The following RBPJ variants were observed in gnomAD, a reference collection of about 807,000 sequenced individuals.
RBPJ encodes recombination signal binding protein for immunoglobulin kappa J region, also known as recombining binding protein suppressor of hairless.
In RBPJ, 9 loss-of-function variants were observed where a neutral mutation model predicts 67.8. The ratio of observed to expected loss-of-function variants is 0.13; its 90% CI spans 0.08 to 0.23. The LOEUF is 0.23. Ranked by LOEUF, RBPJ falls within the 10% of genes least tolerant of loss-of-function variation. The probability of loss-of-function intolerance (pLI) is 1.00; values close to 1 mark genes in which losing one functional copy is unlikely to be tolerated. For synonymous variants in RBPJ, 198 were observed against 203.3 expected, an observed-to-expected ratio of 0.97 and a Z score of 0.22; for missense variants, 305 against 595.6, an observed-to-expected ratio of 0.51 and a Z score of 5.08.
the RBPJ span, among the ~76,000 whole-genome samples, chr4:26,118,966 G>A: frequency 6.6e-6 from 1 of 152,114 alleles, no homozygotes. Flanking sequence ...TAGTCAAAGG[G>A]GCTTGGCTTT....
chr4:26,395,534 A>G (rs1560320487), intron 2 of RBPJ, among the ~76,000 whole-genome samples: 1 of 152,218 alleles, frequency 6.6e-6, no homozygotes, highest in Non-Finnish European at 1.5e-5. Context: ...CCCACTAAGT[A>G]GCATGTTGAA....
At chr4:26,409,744 C>T (rs186692342) in intron 3 of RBPJ, among the ~76,000 whole-genome samples, 462 of 152,196 alleles carry the variant, frequency 3.0e-3, no homozygotes, top group Non-Finnish European at 4.5e-3. Flanking sequence ...GTGATCTGCC[C>T]GCCTCTGCCT....
chr4:26,373,904 T>C lies in RBPJ; in HGVS notation c.21-12449T>C, dbSNP rs533685414. Among the ~76,000 whole-genome samples the C allele has an allele frequency of 4.0e-5, 6 of 149,268 alleles. No individual in the cohort carries two copies. In the South Asian group the frequency reaches 1.3e-3, roughly 31 times the overall value. ...ATTTCCTGAATTTTGTGTTTACAGC[T>C]TTATTTTTTACTTTTTTTTTTTTTT... is the stretch of plus-strand genomic sequence containing the variant. On this transcript the variant is annotated intron_variant, in intron 1 of 10. Transcript: ENST00000355476.
At position 26,428,773 on chromosome 4, in the gene RBPJ, G is replaced by T. The variant is rs1222727321; in HGVS notation, c.801G>T (p.Val267=). The change falls in exon 8 of 11, where the codon GTG becomes GTT. Residue 267 remains valine, a synonymous_variant. Coordinates refer to ENST00000355476, the MANE Select transcript of RBPJ (RefSeq NM_015874.6). The part of the protein sequence containing the change: ...QTALLDADDP[V]SQLHKCAFYL... ...CATTATTGGATGCAGATGATCCTGT[G>T]TCACAACTCCATAAATGTGCATTTT... 1 of 1,609,082 alleles carries T rather than the reference G, an allele frequency of 6.2e-7. No homozygotes were observed. Among genetic ancestry groups the T allele is most frequent in the African/African-American group, 1.3e-5 (1 of 74,790 alleles).
intron 1 of RBPJ, among the ~76,000 whole-genome samples, chr4:26,360,899 C>G (rs1009475395): frequency 2.0e-5 from 3 of 150,920 alleles, no homozygotes; most frequent in African/African-American, 4.9e-5. Flanking sequence ...CGTGAGCCAC[C>G]GCTCCCGGCC....
intron 1 of RBPJ, among the ~76,000 whole-genome samples, chr4:26,285,097 C>T (rs1024788439): frequency 2.0e-5 from 3 of 152,026 alleles, no homozygotes; most frequent in Admixed American, 6.6e-5. Context: ...CCTTGTGATC[C>T]GCCCACCTCG....
rs1560211398 is a variant in RBPJ at position 26,209,584 on chromosome 4, T to TCC, written c.-167+45972_-167+45973dup. The stretch of plus-strand genomic sequence containing the variant: ...CTCCCTCCCTTCCTCCTTCCCTGTC[T>TCC]CCCTCCCTTCCTCCTTCCCTCTCTC... On this transcript the variant is annotated intron_variant, in intron 1 of 4. Coordinates refer to the RBPJ transcript ENST00000512351. Among the ~76,000 whole-genome samples the TCC allele has an allele frequency of 2.0e-3, 187 of 95,490 alleles. 12 individuals are homozygous for TCC. The highest frequency in any genetic ancestry group is 2.7e-3 in the Non-Finnish European group (114 of 41,768). The allele number at this position is 95,490 out of a possible 152,430, so 62.6% of individuals were successfully genotyped here.
upstream of RBPJ, among the ~76,000 whole-genome samples, chr4:26,158,543 C>T (rs1348624948): frequency 6.6e-6 from 1 of 152,184 alleles, no homozygotes; most frequent in African/African-American, 2.4e-5. Context: ...TTAAAACCTT[C>T]CTTGTGCACA....
intron 1 of RBPJ, among the ~76,000 whole-genome samples, chr4:26,272,955 A>C (rs1369590102): frequency 6.6e-6 from 1 of 152,208 alleles, no homozygotes; most frequent in Non-Finnish European, 1.5e-5. Flanking sequence ...AGACGCTGGA[A>C]TCCCTGTTAA....
At chr4:26,353,924 T>C (rs1727072127) in intron 1 of RBPJ, among the ~76,000 whole-genome samples, 1 of 151,622 alleles carries the variant, frequency 6.6e-6, no homozygotes, top group Non-Finnish European at 1.5e-5. Context: ...AGTATTCTTT[T>C]GTTTTTTTGT....
the RBPJ span, among the ~76,000 whole-genome samples, chr4:26,121,002 A>AAGAGGG: frequency 1.1e-3 from 160 of 150,182 alleles, no homozygotes; most frequent in Middle Eastern, 6.8e-3. Context: ...AGAGAAGAGG[A>AAGAGGG]AGAGGGAGAG....
At chr4:26,164,110 G>C (rs530501067) in intron 1 of RBPJ, among the ~76,000 whole-genome samples, 7 of 139,388 alleles carry the variant, frequency 5.0e-5, no homozygotes, top group Non-Finnish European at 9.0e-5. Context: ...TACTGATCAC[G>C]TTGGTTGTTT....
At chr4:26,159,922 T>TCC (rs1171272069), upstream of RBPJ, among the ~76,000 whole-genome samples, 8 of 143,912 alleles carry the variant, frequency 5.6e-5, no homozygotes, top group Admixed American at 2.7e-4. Flanking sequence ...TCTCTCTCTC[T>TCC]CTTTTTTTTT....
intron 1 of RBPJ, among the ~76,000 whole-genome samples, chr4:26,212,074 C>G (rs541368121): frequency 6.6e-6 from 1 of 152,252 alleles, no homozygotes; most frequent in South Asian, 2.1e-4. Flanking sequence ...TGCTGATGCC[C>G]TGATCTCAGA....
At position 26,344,647 on chromosome 4, in the gene RBPJ, A is replaced by C. The variant is rs189614065; in HGVS notation, c.20+23599A>C. 5.8e-4 allele frequency among the ~76,000 whole-genome samples: 88 copies of C among 152,308 alleles called. 1 individual carries two copies. The highest frequency in any genetic ancestry group is 9.8e-4 in the Non-Finnish European group (67 of 68,026). On this transcript the variant is annotated intron_variant, in intron 1 of 10. Transcript: ENST00000355476. ...TTAATCAAAATATACCTAGAAGATA[A>C]ATTTCTCAAAATAATCCTAGAAATG...
At chr4:26,351,084 A>G (rs6832661) in intron 1 of RBPJ, among the ~76,000 whole-genome samples, 2,916 of 151,972 alleles carry the variant, frequency 0.019, 104 homozygotes, top group African/African-American at 0.066. Flanking sequence ...ATTATATATT[A>G]TATACATTAA....
the RBPJ span, among the ~76,000 whole-genome samples, chr4:26,114,693 G>A: frequency 0.12 from 17,937 of 151,486 alleles, 1,168 homozygotes; most frequent in Middle Eastern, 0.19. Context: ...ATCTTTATAC[G>A]TTGATATAAT....
intron 1 of RBPJ, among the ~76,000 whole-genome samples, chr4:26,244,307 A>C (rs200745303): frequency 1.9e-3 from 239 of 126,708 alleles, no homozygotes; most frequent in East Asian, 5.6e-3. Flanking sequence ...ATGTGTACAC[A>C]TATGTGTGTA....
At position 26,215,021 on chromosome 4, in the gene RBPJ, A is replaced by G. The variant is rs1432459120; in HGVS notation, c.-167+51407A>G. Among the ~76,000 whole-genome samples the G allele has an allele frequency of 4.9e-4, 36 of 72,980 alleles. 8 individuals carry two copies. The highest frequency in any genetic ancestry group is 1.6e-3 in the African/African-American group (33 of 20,748). The allele number at this position is 72,980 out of a possible 152,430, so 47.9% of individuals were successfully genotyped here. A position where few individuals can be genotyped will look rare whatever the true frequency, so the allele number is the denominator to read the frequency against. On this transcript the variant is annotated intron_variant, in intron 1 of 4. Coordinates refer to the RBPJ transcript ENST00000512351. ...GAGGGAAGGAAGGAAGGAGAGAAAG[A>G]AAGAAAGAAAAGAAAGAGGGAGGGA...
Sources: allele counts gnomAD v4.1 joint callset (sites outside exome capture counted in the v4.1 genomes callset), GRCh38; gene constraint gnomAD v4.1.1; transcripts MANE v1.5; gene names NCBI Gene and HGNC (gene_info 2026-07-23, HGNC 2026-07-21).